Variants in SEPTIN10 observed in about 807,000 individuals in gnomAD.
The protein encoded by SEPTIN10 is septin-10.
In SEPTIN10, 66 loss-of-function variants were observed where a neutral mutation model predicts 54.8. That is an observed-to-expected ratio of 1.21 (90% CI 0.99 to 1.48). The LOEUF is 1.48. Among genes scored for constraint, SEPTIN10 ranks in the 40% most tolerant of loss-of-function variants. SEPTIN10 has a pLI of 0.00. For missense variants in SEPTIN10, 620 were observed against 545.6 expected (o/e 1.14, Z -1.36); for synonymous variants, 161 against 181.0 (o/e 0.89, Z 0.89).
intron 9 of SEPTIN10, among the ~76,000 whole-genome samples, chr2:109,551,506 C>T (rs902022365): frequency 2.0e-5 from 3 of 152,074 alleles, no homozygotes; most frequent in Non-Finnish European, 2.9e-5. Context: ...TAAAAAGGAA[C>T]GATTTTGAAA....
intron 1 of SEPTIN10, among the ~76,000 whole-genome samples, chr2:109,609,293 T>C (rs1010271042): frequency 1.3e-5 from 2 of 152,146 alleles, no homozygotes; most frequent in Admixed American, 6.6e-5. Flanking sequence ...AAAAAAATAA[T>C]GCCTGTCCTC....
At position 109,553,275 on chromosome 2, in the gene SEPTIN10, C is replaced by T. The variant is rs978765686; in HGVS notation, c.1029-56G>A. ...AAAAAGTGATATAGGTCGGGTATGG[C>T]GGCTCACGCCTGTAATCCCAACACT... On this transcript the variant is annotated intron_variant, in intron 8 of 10. Transcript: ENST00000397712. 3.6e-5 allele frequency: 57 copies of T among 1,582,640 alleles called. No homozygotes were observed. In the South Asian group the frequency reaches 5.3e-4, roughly 15 times the overall value.
At chr2:109,562,040 G>A (rs1194157546) in intron 8 of SEPTIN10, among the ~76,000 whole-genome samples, 1 of 151,746 alleles carries the variant, frequency 6.6e-6, no homozygotes, top group Non-Finnish European at 1.5e-5. Context: ...GTGAAACCCT[G>A]TCTCTACTAC....
intron 9 of SEPTIN10, among the ~76,000 whole-genome samples, chr2:109,549,842 T>C (rs994902046): frequency 1.3e-5 from 2 of 152,138 alleles, no homozygotes; most frequent in African/African-American, 4.8e-5. Context: ...TAATAAAAGT[T>C]GTGTGAATGT....
At chr2:109,612,059 A>G (rs1261600768) in intron 1 of SEPTIN10, among the ~76,000 whole-genome samples, 1 of 152,212 alleles carries the variant, frequency 6.6e-6, no homozygotes, top group East Asian at 1.9e-4. Context: ...TTTATTGCCA[A>G]TAGCCAACAA....
intron 4 of SEPTIN10, among the ~76,000 whole-genome samples, chr2:109,583,449 C>T (rs1027920758): frequency 6.6e-6 from 1 of 152,156 alleles, no homozygotes; most frequent in Non-Finnish European, 1.5e-5. Flanking sequence ...TACCATCTCA[C>T]AACAGTCAGA....
At chr2:109,608,400 A>G (rs1433080608) in intron 1 of SEPTIN10, among the ~76,000 whole-genome samples, 2 of 152,214 alleles carry the variant, frequency 1.3e-5, no homozygotes, top group African/African-American at 4.8e-5. Flanking sequence ...CTATCCCCAT[A>G]AATACAGACC....
chr2:109,595,699 G>C (rs1339404126), intron 1 of SEPTIN10, among the ~76,000 whole-genome samples: 1 of 152,208 alleles, frequency 6.6e-6, no homozygotes, highest in African/African-American at 2.4e-5. Flanking sequence ...CTTGGAGAAA[G>C]TACAGTAAGT....
At chr2:109,564,588 C>T (rs1686520344) in intron 7 of SEPTIN10, 54 bp from the exon 8 acceptor site, 1 of 1,396,604 alleles carries the variant, frequency 7.2e-7, no homozygotes, top group Non-Finnish European at 9.5e-7. Flanking sequence ...TCCTGGCACA[C>T]AACTAAGTGT....
At chr2:109,562,780 C>T (rs1177117549) in intron 8 of SEPTIN10, among the ~76,000 whole-genome samples, 9 of 152,142 alleles carry the variant, frequency 5.9e-5, no homozygotes, top group Non-Finnish European at 1.0e-4. Context: ...ACTAGGGAAG[C>T]TAACTCGAGA....
chr2:109,592,820 T>A (rs1694383525), intron 2 of SEPTIN10, among the ~76,000 whole-genome samples: 1 of 151,338 alleles, frequency 6.6e-6, no homozygotes, highest in African/African-American at 2.4e-5. Context: ...GAAAAAAAAA[T>A]TTCCTTAATG....
At chr2:109,595,990 G>A (rs1422798582) in intron 1 of SEPTIN10, among the ~76,000 whole-genome samples, 1 of 152,122 alleles carries the variant, frequency 6.6e-6, no homozygotes, top group Non-Finnish European at 1.5e-5. Flanking sequence ...AATTCACTGA[G>A]GCTATATTAT....
intron 5 of SEPTIN10, among the ~76,000 whole-genome samples, chr2:109,571,282 C>T (rs717189): frequency 0.19 from 28,191 of 152,158 alleles, 3,460 homozygotes; most frequent in Non-Finnish European, 0.27. Context: ...AATGCGAGAA[C>T]GGACTAATAA....
At chr2:109,566,280 C>A (rs778954175) in intron 6 of SEPTIN10, among the ~76,000 whole-genome samples, 1 of 151,942 alleles carries the variant, frequency 6.6e-6, no homozygotes, top group Non-Finnish European at 1.5e-5. Flanking sequence ...ACCACAACAT[C>A]CAGCTAATTT....
intron 10 of SEPTIN10, chr2:109,545,398 G>A (rs202042755): frequency 7.2e-6 from 11 of 1,535,060 alleles, no homozygotes; most frequent in East Asian, 2.4e-5. Flanking sequence ...AAACCTACAC[G>A]CCTTGCGATT....
intron 1 of SEPTIN10, among the ~76,000 whole-genome samples, chr2:109,610,095 G>GT (rs554268137): frequency 0.17 from 23,913 of 143,252 alleles, 2,233 homozygotes; most frequent in South Asian, 0.24. Flanking sequence ...TCCCTGAGGT[G>GT]TTTTTTTTTT....
chr2:109,545,693 C>G, intron 10 of SEPTIN10: 2 of 1,462,166 alleles, frequency 1.4e-6, no homozygotes, highest in Non-Finnish European at 9.0e-7. Flanking sequence ...TTCAAAATAA[C>G]TCATGGTAGG....
At chr2:109,549,483 A>G (rs556532886) in intron 9 of SEPTIN10, among the ~76,000 whole-genome samples, 58 of 152,334 alleles carry the variant, frequency 3.8e-4, no homozygotes, top group Non-Finnish European at 6.0e-4. Flanking sequence ...CTGGCTATCA[A>G]CAACTATTCC....
At chr2:109,562,533 G>C (rs1318936190) in intron 8 of SEPTIN10, among the ~76,000 whole-genome samples, 1 of 151,978 alleles carries the variant, frequency 6.6e-6, no homozygotes, top group Non-Finnish European at 1.5e-5. Flanking sequence ...GAATGACTAA[G>C]AATTCTGACT....
Sources: allele counts gnomAD v4.1 joint callset (sites outside exome capture counted in the v4.1 genomes callset), GRCh38; gene constraint gnomAD v4.1.1; transcripts MANE v1.5; gene names NCBI Gene and HGNC (gene_info 2026-07-23, HGNC 2026-07-21).